Variants in ZNF469 observed in about 807,000 individuals in gnomAD.
ZNF469 encodes zinc finger protein 469.
A neutral mutation model predicts 1.0 loss-of-function variants in ZNF469; 1 was observed. That is an observed-to-expected ratio of 1.00 (90% CI 0.35 to 4.73). The LOEUF (loss-of-function observed/expected upper bound fraction) is 4.73, where lower values mean the gene tolerates loss of function less well. ZNF469 is among the 30% of genes most tolerant of loss of function. The pLI is 0.16. For synonymous variants in ZNF469, 2,703 were observed against 2,363.4 expected, an observed-to-expected ratio of 1.14 and a Z score of -4.17; for missense variants, 6,100 against 5,356.3, an observed-to-expected ratio of 1.14 and a Z score of -4.33.
At chr16:88,253,671 G>C in the ZNF469 span, among the ~76,000 whole-genome samples, 1 of 151,428 alleles carries the variant, frequency 6.6e-6, no homozygotes, top group African/African-American at 2.4e-5. Context: ...CTGAGTAGCT[G>C]GGATCACAGG....
chr16:88,119,418 G>A, the ZNF469 span, among the ~76,000 whole-genome samples: 1 of 152,240 alleles, frequency 6.6e-6, no homozygotes, highest in Admixed American at 6.5e-5. Context: ...ATTATTAAGT[G>A]ACCCTGATGA....
At chr16:88,110,204 A>T in the ZNF469 span, among the ~76,000 whole-genome samples, 1 of 152,158 alleles carries the variant, frequency 6.6e-6, no homozygotes, top group Non-Finnish European at 1.5e-5. Flanking sequence ...GCCCCACCCC[A>T]GTACCCGTCA....
At chr16:88,309,361 G>T in the ZNF469 span, among the ~76,000 whole-genome samples, 1 of 152,120 alleles carries the variant, frequency 6.6e-6, no homozygotes, top group African/African-American at 2.4e-5. Context: ...CTGACGGGGG[G>T]AGTGCCCTCT....
chr16:88,115,347 C>A, the ZNF469 span, among the ~76,000 whole-genome samples: 1 of 151,878 alleles, frequency 6.6e-6, no homozygotes, highest in Admixed American at 6.6e-5. Context: ...TTTAGGAAGA[C>A]AAGTACATGT....
At chr16:88,283,000 C>G in the ZNF469 span, among the ~76,000 whole-genome samples, 1 of 152,182 alleles carries the variant, frequency 6.6e-6, no homozygotes, top group Non-Finnish European at 1.5e-5. Context: ...CCAGCGATTC[C>G]CTCCGGAGTT....
At chr16:88,116,878 G>A in the ZNF469 span, among the ~76,000 whole-genome samples, 1 of 152,202 alleles carries the variant, frequency 6.6e-6, no homozygotes, top group Admixed American at 6.5e-5. Flanking sequence ...TGAGGGGAAT[G>A]GTTAGTGCTT....
chr16:88,149,954 C>T, the ZNF469 span, among the ~76,000 whole-genome samples: 32 of 152,322 alleles, frequency 2.1e-4, no homozygotes, highest in Admixed American at 1.8e-3. Flanking sequence ...TAGAACTTTC[C>T]AGGTGTTGCC....
the ZNF469 span, among the ~76,000 whole-genome samples, chr16:88,238,270 C>G: frequency 6.6e-6 from 1 of 152,190 alleles, no homozygotes; most frequent in Non-Finnish European, 1.5e-5. Context: ...GGAAGTTCCC[C>G]GTGGGAAGGG....
the ZNF469 span, among the ~76,000 whole-genome samples, chr16:88,191,271 G>A: frequency 6.6e-6 from 1 of 152,272 alleles, no homozygotes; most frequent in East Asian, 1.9e-4. Context: ...TCTTTTGGAA[G>A]AGTGAAGGGC....
intron 1 of ZNF469, among the ~76,000 whole-genome samples, chr16:88,405,921 A>AACAC (rs146539268): frequency 6.6e-6 from 1 of 151,664 alleles, no homozygotes; most frequent in Admixed American, 6.6e-5. Flanking sequence ...CCGCCCCCAA[A>AACAC]ACACACACAC....
chr16:88,377,927 G>A, the ZNF469 span, among the ~76,000 whole-genome samples: 21 of 152,148 alleles, frequency 1.4e-4, no homozygotes, highest in African/African-American at 5.1e-4. Context: ...GCCCTGGCCA[G>A]GTGCCTAGGG....
chr16:88,153,650 C>G, the ZNF469 span, among the ~76,000 whole-genome samples: 19 of 152,242 alleles, frequency 1.2e-4, no homozygotes, highest in Non-Finnish European at 2.4e-4. Context: ...AGGCCGCCTG[C>G]AAGGCACACA....
At chr16:88,237,903 A>T in the ZNF469 span, among the ~76,000 whole-genome samples, 22 of 140,540 alleles carry the variant, frequency 1.6e-4, no homozygotes, top group Admixed American at 1.4e-3. Context: ...CCTGAATGTC[A>T]TGGAGTTGGA....
chr16:88,396,999 G>GGAGGAGACCCTCCTGAAGGGAGGCCA (rs1904700881), intron 1 of ZNF469, among the ~76,000 whole-genome samples: 4 of 131,462 alleles, frequency 3.0e-5, no homozygotes, highest in South Asian at 2.4e-4. Context: ...AAGGGAGGCC[G>GGAGGAGACCCTCCTGAAGGGAGGCCA]GGAGGAGACC....
At chr16:88,325,140 G>GCA in the ZNF469 span, among the ~76,000 whole-genome samples, 1 of 147,474 alleles carries the variant, frequency 6.8e-6, no homozygotes, top group Non-Finnish European at 1.5e-5. Flanking sequence ...CACTCCAGGT[G>GCA]GTCCCGACAG....
chr16:88,347,295 C>T, the ZNF469 span, among the ~76,000 whole-genome samples: 3 of 152,132 alleles, frequency 2.0e-5, no homozygotes, highest in Non-Finnish European at 2.9e-5. Flanking sequence ...CACCCGTGCA[C>T]GGGCCCTTCT....
the ZNF469 span, among the ~76,000 whole-genome samples, chr16:88,251,533 G>A: frequency 3.2e-5 from 3 of 94,864 alleles, no homozygotes; most frequent in Admixed American, 2.4e-4. Context: ...TAATGTCCCT[G>A]CTGTCTTTTT....
chr16:88,432,252 G>A lies in ZNF469; in HGVS notation c.4782G>A (p.Val1594=). 4 of 1,548,422 alleles carry A rather than the reference G, an allele frequency of 2.6e-6. No homozygotes were observed. Among genetic ancestry groups the A allele is most frequent in the Non-Finnish European group, 3.5e-6 (4 of 1,146,978 alleles). The change falls in exon 3 of 3, where the codon GTG becomes GTA. Residue 1594 remains valine, a synonymous_variant. Transcript: ENST00000565624. The stretch of plus-strand genomic sequence containing the variant: ...GAGAGCTTGCAGAAGCTGAGTCGGT[G>A]GGCAGGGTGGAGCTCGGCACAGGCA... ...APRELAEAES[V]GRVELGTGTE...
chr16:88,267,574 G>C, the ZNF469 span, among the ~76,000 whole-genome samples: 8 of 152,172 alleles, frequency 5.3e-5, no homozygotes, highest in Non-Finnish European at 1.2e-4. Flanking sequence ...AGTCCCTTTC[G>C]GTTCCAAATG....
Sources: allele counts gnomAD v4.1 joint callset (sites outside exome capture counted in the v4.1 genomes callset), GRCh38; gene constraint gnomAD v4.1.1; transcripts MANE v1.5; gene names NCBI Gene and HGNC (gene_info 2026-07-23, HGNC 2026-07-21).